ATP13A4: variants seen among roughly 807,000 people sequenced by gnomAD.
ATP13A4 encodes probable cation-transporting ATPase 13A4.
Under a neutral mutation model 142.5 loss-of-function variants are expected in ATP13A4, and 114 were observed. That is an observed-to-expected ratio of 0.80 (90% CI 0.69 to 0.93). ATP13A4 has a LOEUF of 0.93. Among genes scored for constraint, ATP13A4 ranks in the 40% least tolerant of loss-of-function variants. ATP13A4 has a pLI of 0.00. For synonymous variants in ATP13A4, 488 were observed against 514.8 expected, an observed-to-expected ratio of 0.95 and a Z score of 0.70; for missense variants, 1,392 against 1,454.0, an observed-to-expected ratio of 0.96 and a Z score of 0.69.
chr3:193,540,954 A>C (rs1273121927), intron 1 of ATP13A4, among the ~76,000 whole-genome samples: 1 of 147,294 alleles, frequency 6.8e-6, no homozygotes, highest in East Asian at 2.0e-4. Context: ...TCACTTTTAA[A>C]ATCAGAACAA....
Position 193,523,742 on chromosome 3 carries a change from T to C in ATP13A4, c.61-8871A>G, listed in dbSNP as rs13075317. Reference sequence around the variant, plus strand: ...GTAAGTGCTATGGTTCGGATGTGGTTTGGATGTGGTTTGTCCCCACCAAAC... The same window carrying C: ...GTAAGTGCTATGGTTCGGATGTGGTCTGGATGTGGTTTGTCCCCACCAAAC... On this transcript the variant is annotated intron_variant, in intron 1 of 29. Coordinates refer to ENST00000342695, the MANE Select transcript of ATP13A4 (RefSeq NM_032279.4). Among the ~76,000 whole-genome samples the C allele has an allele frequency of 4.5e-3, 685 of 152,270 alleles. 7 individuals are homozygous for C. The highest frequency in any genetic ancestry group is 0.01 in the Middle Eastern group (3 of 290).
intron 2 of ATP13A4, among the ~76,000 whole-genome samples, chr3:193,510,306 C>T (rs1164104156): frequency 6.6e-6 from 1 of 152,100 alleles, no homozygotes; most frequent in Admixed American, 6.5e-5. Context: ...GAAACTGAAG[C>T]GAAAATACTC....
chr3:193,502,524 A>G lies in ATP13A4; in HGVS notation c.350T>C (p.Ile117Thr). ...HPLMTDEEYI[I>T]NRAIRKPDLK... ...GTCTGGCTTTCTTATGGCTCTATTT[A>G]TGATATACTCCTCATCTGTCATGAG... Residue 117 changes from isoleucine to threonine, a missense_variant, in exon 3 of 30, where the codon ATA becomes ACA. Coordinates refer to ENST00000342695, the MANE Select transcript of ATP13A4 (RefSeq NM_032279.4). The G allele has an allele frequency of 6.2e-7, 1 of 1,614,062 alleles. No individual in the cohort carries two copies.
Position 193,399,953 on chromosome 3 carries a change from T to C in ATP13A4, c.*2699A>G, listed in dbSNP as rs1293253185. ...AGGTAATTGAGTTTCATCTGATACT[T>C]GACTTCCTTCTCTACTTGGCCCTTG... On this transcript the variant is annotated 3_prime_UTR_variant, in exon 30 of 30. Transcript: ENST00000342695. Among the ~76,000 whole-genome samples, 1 of 151,820 alleles carries C rather than the reference T, an allele frequency of 6.6e-6. No homozygotes were observed. The highest frequency in any genetic ancestry group is 1.5e-5 in the Non-Finnish European group (1 of 67,950).
intron 17 of ATP13A4, among the ~76,000 whole-genome samples, chr3:193,453,706 T>C (rs1717414117): frequency 6.6e-6 from 1 of 152,188 alleles, no homozygotes; most frequent in Non-Finnish European, 1.5e-5. Context: ...CTGGTAAATG[T>C]TATGTTTCAT....
Position 193,401,154 on chromosome 3 carries a change from C to G in ATP13A4, c.*1498G>C, listed in dbSNP as rs533898013. 6.6e-6 allele frequency among the ~76,000 whole-genome samples: 1 copy of G among 152,236 alleles called. No homozygotes were observed. Among genetic ancestry groups the G allele is most frequent in the African/African-American group, 2.4e-5 (1 of 41,540 alleles). ...TGCTATTGATAAGTTCCAAAGCCAGCCTGGGCCAGGACACTTATCCCCTGA... is the reference window on the plus strand; with the variant it reads ...TGCTATTGATAAGTTCCAAAGCCAGGCTGGGCCAGGACACTTATCCCCTGA... On this transcript the variant is annotated 3_prime_UTR_variant, in exon 30 of 30. Coordinates refer to ENST00000342695, the MANE Select transcript of ATP13A4 (RefSeq NM_032279.4).
chr3:193,582,986 C>T (rs1181641219), intron 1 of ATP13A4, among the ~76,000 whole-genome samples: 1 of 32,630 alleles, frequency 3.1e-5, no homozygotes, highest in Non-Finnish European at 5.2e-5. Context: ...ATGTATATTA[C>T]ATATATATAA....
At chr3:193,418,284 A>C (rs529372067) in intron 25 of ATP13A4, among the ~76,000 whole-genome samples, 3 of 145,908 alleles carry the variant, frequency 2.1e-5, no homozygotes, top group Middle Eastern at 3.5e-3. Context: ...GCGCCACTGC[A>C]CTCCAGCCTG....
In ATP13A4 at chr3:193,442,694, C is replaced by T. The variant is rs1716717885; in HGVS notation, c.2153-138G>A. On this transcript the variant is annotated intron_variant, in intron 18 of 29. Coordinates refer to ENST00000342695, the MANE Select transcript of ATP13A4 (RefSeq NM_032279.4). ...ATGATCTCTGATATCTATTTCAGCCCTGACCTTCTGTGACTCCATGATCCC... is the reference window on the plus strand; with the variant it reads ...ATGATCTCTGATATCTATTTCAGCCTTGACCTTCTGTGACTCCATGATCCC... 4 of 842,158 alleles carry T rather than the reference C, an allele frequency of 4.7e-6. No homozygotes were observed. The Middle Eastern group carries it at 1.0e-3, about 219-fold the overall frequency. The allele number at this position is 842,158 out of a possible 1,614,324, so 52.2% of individuals were successfully genotyped here.
chr3:193,440,583 G>A lies in ATP13A4; in HGVS notation c.2494C>T (p.Leu832=), dbSNP rs1716570179. ...TCCAGTTTCTGAAATTCTTCCACCA[G>A]ACTGGACTTCTGCCCAGGAGACATT... The part of the protein sequence containing the change: ...ARMSPGQKSS[L]VEEFQKLDYF... Residue 832 remains leucine, a synonymous_variant, in exon 21 of 30, where the codon CTG becomes TTG. Transcript: ENST00000342695. The A allele has an allele frequency of 1.2e-6, 2 of 1,613,872 alleles. No individual in the cohort carries two copies. Among genetic ancestry groups the A allele is most frequent in the African/African-American group, 2.7e-5 (2 of 74,902 alleles).
intron 3 of ATP13A4, 46 bp downstream of exon 3, chr3:193,502,447 A>G (rs1166368825): frequency 6.3e-7 from 1 of 1,596,704 alleles, no homozygotes. Flanking sequence ...TGAGGGGAAA[A>G]AGATTAAATC....
chr3:193,557,414 C>A (rs1178541483), upstream of ATP13A4, among the ~76,000 whole-genome samples: 1 of 152,136 alleles, frequency 6.6e-6, no homozygotes, highest in Non-Finnish European at 1.5e-5. Flanking sequence ...TAACCATAAC[C>A]AGAAACAGGG....
chr3:193,516,984 A>C (rs1039381944), intron 1 of ATP13A4, among the ~76,000 whole-genome samples: 81 of 152,338 alleles, frequency 5.3e-4, no homozygotes, highest in African/African-American at 1.8e-3. Flanking sequence ...GCTAACACTT[A>C]TTGGGCACTT....
At chr3:193,405,496 G>C (rs1714449816) in intron 29 of ATP13A4, among the ~76,000 whole-genome samples, 1 of 152,168 alleles carries the variant, frequency 6.6e-6, no homozygotes, top group Admixed American at 6.5e-5. Flanking sequence ...GCTTGCTGTG[G>C]CCTCTCCTTC....
chr3:193,530,139 T>G (rs1479704335), intron 1 of ATP13A4, among the ~76,000 whole-genome samples: 1 of 152,224 alleles, frequency 6.6e-6, no homozygotes, highest in Non-Finnish European at 1.5e-5. Context: ...CTATAACTAC[T>G]CACCATTCCT....
chr3:193,516,446 G>C (rs568989280), intron 1 of ATP13A4, among the ~76,000 whole-genome samples: 1 of 152,138 alleles, frequency 6.6e-6, no homozygotes, highest in Non-Finnish European at 1.5e-5. Flanking sequence ...ATACTCTTCT[G>C]CTCCAAGCTC....
At chr3:193,517,705 C>CG (rs11421096) in intron 1 of ATP13A4, among the ~76,000 whole-genome samples, 24,169 of 151,812 alleles carry the variant, frequency 0.16, 1,979 homozygotes, top group East Asian at 0.2. Context: ...AGGATGGTCT[C>CG]ATCTCCTGAC....
At chr3:193,551,369 C>T (rs776953726) in intron 1 of ATP13A4, among the ~76,000 whole-genome samples, 17 of 151,942 alleles carry the variant, frequency 1.1e-4, no homozygotes, top group Non-Finnish European at 2.2e-4. Flanking sequence ...GCCGAGATCA[C>T]GCCACTGCAC....
chr3:193,588,400 A>G (rs761646027), intron 1 of ATP13A4, among the ~76,000 whole-genome samples: 3 of 152,180 alleles, frequency 2.0e-5, no homozygotes, highest in Admixed American at 6.5e-5. Flanking sequence ...CAGCTTTTCT[A>G]TATTTGTGAC....
Sources: allele counts gnomAD v4.1 joint callset (sites outside exome capture counted in the v4.1 genomes callset), GRCh38; gene constraint gnomAD v4.1.1; transcripts MANE v1.5; gene names NCBI Gene and HGNC (gene_info 2026-07-23, HGNC 2026-07-21).